The following PLEKHA5 variants were observed in gnomAD, a reference collection of about 807,000 sequenced individuals.
PLEKHA5 encodes pleckstrin homology domain-containing family A member 5.
Under a neutral mutation model 181.9 loss-of-function variants are expected in PLEKHA5, and 55 were observed. That is an observed-to-expected ratio of 0.30 (90% CI 0.24 to 0.38). The LOEUF (loss-of-function observed/expected upper bound fraction) is 0.38. Ranked by LOEUF, PLEKHA5 falls within the 10% of genes least tolerant of loss-of-function variation. The probability of loss-of-function intolerance (pLI) is 1.00; values close to 1 mark genes in which losing one functional copy is unlikely to be tolerated. For missense variants in PLEKHA5, 1,432 were observed against 1,549.5 expected (o/e 0.92, Z 1.27); for synonymous variants, 535 against 529.4 (o/e 1.01, Z -0.15).
chr12:19,280,882 T>A (rs192349113), intron 11 of PLEKHA5, among the ~76,000 whole-genome samples: 13 of 152,126 alleles, frequency 8.5e-5, no homozygotes, highest in Admixed American at 7.9e-4. Context: ...GGCTGATTTT[T>A]GTATTTTTAG....
chr12:19,312,041 C>G (rs1478011783), intron 15 of PLEKHA5, among the ~76,000 whole-genome samples: 1 of 152,198 alleles, frequency 6.6e-6, no homozygotes, highest in African/African-American at 2.4e-5. Context: ...CATCCACTTA[C>G]ATGTTTCCAT....
intron 20 of PLEKHA5, among the ~76,000 whole-genome samples, chr12:19,334,828 A>AT (rs1233718299): frequency 3.5e-3 from 138 of 39,476 alleles, no homozygotes; most frequent in African/African-American, 0.011. Context: ...CAAAAAAAAA[A>AT]AATATATATA....
chr12:19,259,756 A>G (rs2067879905), intron 6 of PLEKHA5, among the ~76,000 whole-genome samples: 1 of 151,540 alleles, frequency 6.6e-6, no homozygotes, highest in African/African-American at 2.4e-5. Flanking sequence ...CTCGGAAAAA[A>G]AAAAAAATTG....
At chr12:19,175,927 G>A (rs116758362) in intron 3 of PLEKHA5, among the ~76,000 whole-genome samples, 5,726 of 152,164 alleles carry the variant, frequency 0.038, 350 homozygotes, top group African/African-American at 0.13. Flanking sequence ...TGCCCGGGTT[G>A]TACCCCACAC....
intron 20 of PLEKHA5, among the ~76,000 whole-genome samples, chr12:19,333,678 G>A (rs895444390): frequency 6.2e-5 from 9 of 144,304 alleles, no homozygotes; most frequent in South Asian, 4.4e-4. Flanking sequence ...ACACCATCTC[G>A]GCTCACTGCA....
At chr12:19,159,488 G>A (rs1014669264) in intron 3 of PLEKHA5, among the ~76,000 whole-genome samples, 5 of 152,030 alleles carry the variant, frequency 3.3e-5, no homozygotes, top group East Asian at 1.9e-4. Context: ...TCAGATGATT[G>A]CTATAACATT....
At chr12:19,198,656 G>GA (rs2053502904) in intron 3 of PLEKHA5, among the ~76,000 whole-genome samples, 1 of 152,164 alleles carries the variant, frequency 6.6e-6, no homozygotes, top group Non-Finnish European at 1.5e-5. Flanking sequence ...TGGAATGAAT[G>GA]ATTGTGTGAA....
At chr12:19,252,050 A>G (rs1039431249) in intron 3 of PLEKHA5, among the ~76,000 whole-genome samples, 1 of 152,178 alleles carries the variant, frequency 6.6e-6, no homozygotes, top group Non-Finnish European at 1.5e-5. Flanking sequence ...GATTTAAGGA[A>G]TAATAGAAAC....
intron 3 of PLEKHA5, among the ~76,000 whole-genome samples, chr12:19,208,407 C>CA (rs35439122): frequency 0.21 from 15,461 of 72,484 alleles, 1,224 homozygotes; most frequent in African/African-American, 0.28. Flanking sequence ...AACTCTGTCT[C>CA]AAAAAAAAAA....
chr12:19,157,119 C>CAA (rs2041949871), intron 3 of PLEKHA5, among the ~76,000 whole-genome samples: 1 of 151,144 alleles, frequency 6.6e-6, no homozygotes. Context: ...CACACACACA[C>CAA]ACACACACGG....
At position 19,334,712 on chromosome 12, in the gene PLEKHA5, G is replaced by A. The variant is rs977777025; in HGVS notation, c.2449-1803G>A. 1.4e-4 allele frequency among the ~76,000 whole-genome samples: 21 copies of A among 148,214 alleles called. 1 individual carries two copies. The highest frequency in any genetic ancestry group is 2.0e-4 in the Admixed American group (3 of 14,668). The stretch of plus-strand genomic sequence containing the variant: ...AAAGAATTTGCTGACTAGATGTGGT[G>A]GCTCACACCTGTAATCTCAGCACTA... On this transcript the variant is annotated intron_variant, in intron 20 of 31. Transcript: ENST00000429027.
intron 3 of PLEKHA5, among the ~76,000 whole-genome samples, chr12:19,134,390 G>C (rs1411105912): frequency 6.6e-6 from 1 of 151,940 alleles, no homozygotes; most frequent in Non-Finnish European, 1.5e-5. Flanking sequence ...GCCAGTAATT[G>C]TGTCCAAAAG....
At position 19,253,064 on chromosome 12, in the gene PLEKHA5, C is replaced by CTTTTTTTTTTTTTTTTTTTTTTTTTT. The variant is rs35536570; in HGVS notation, c.228-875_228-850dup. On this transcript the variant is annotated intron_variant, in intron 3 of 31. Transcript: ENST00000429027. ...GAGCTAAACAGCCAAATCAACTTAC[C>CTTTTTTTTTTTTTTTTTTTTTTTTTT]TTTTTTTTTTTTTTTTTTTTTTTTT... 3.3e-3 allele frequency among the ~76,000 whole-genome samples: 153 copies of CTTTTTTTTTTTTTTTTTTTTTTTTTT among 45,874 alleles called. 46 individuals carry two copies. The highest frequency in any genetic ancestry group is 6.2e-3 in the Non-Finnish European group (136 of 21,902). The allele number at this position is 45,874 out of a possible 152,430, so 30.1% of individuals were successfully genotyped here. A position where few individuals can be genotyped will look rare whatever the true frequency, so the allele number is the denominator to read the frequency against.
chr12:19,339,277 G>A (rs1236056428), intron 21 of PLEKHA5, among the ~76,000 whole-genome samples: 1 of 152,070 alleles, frequency 6.6e-6, no homozygotes, highest in Non-Finnish European at 1.5e-5. Flanking sequence ...CTGACCTCAG[G>A]TGATCTGCCC....
intron 12 of PLEKHA5, among the ~76,000 whole-genome samples, chr12:19,285,788 T>G (rs2077090987): frequency 6.6e-6 from 1 of 152,258 alleles, no homozygotes; most frequent in African/African-American, 2.4e-5. Flanking sequence ...TAACATTTTG[T>G]TACATATTCT....
intron 3 of PLEKHA5, among the ~76,000 whole-genome samples, chr12:19,217,590 T>C (rs560252611): frequency 6.6e-6 from 1 of 152,114 alleles, no homozygotes; most frequent in Admixed American, 6.6e-5. Context: ...AGTTGGAAAA[T>C]TAGTCCAAGT....
chr12:19,316,791 C>T (rs1479752999), intron 16 of PLEKHA5, among the ~76,000 whole-genome samples: 1 of 152,138 alleles, frequency 6.6e-6, no homozygotes, highest in Non-Finnish European at 1.5e-5. Flanking sequence ...TTTGCACAAA[C>T]TGAAATTATA....
intron 11 of PLEKHA5, among the ~76,000 whole-genome samples, chr12:19,279,808 T>G (rs751771066): frequency 3.9e-4 from 59 of 151,984 alleles, no homozygotes; most frequent in Non-Finnish European, 6.8e-4. Flanking sequence ...GAATCAAAAC[T>G]TGGCTGTCTT....
intron 3 of PLEKHA5, among the ~76,000 whole-genome samples, chr12:19,234,098 C>G (rs1228685786): frequency 6.6e-6 from 1 of 152,196 alleles, no homozygotes; most frequent in African/African-American, 2.4e-5. Flanking sequence ...AATAGTTTCT[C>G]TTTAACAGGG....
Sources: gnomAD v4.1 joint callset for allele counts (sites outside exome capture counted in the v4.1 genomes callset) on GRCh38, gnomAD v4.1.1 for gene constraint, MANE v1.5 for transcripts, NCBI Gene and HGNC (gene_info 2026-07-23, HGNC 2026-07-21) for gene names.